Variants in CDH20 observed in about 807,000 individuals in gnomAD.
CDH20 encodes cadherin-20.
In CDH20, 29 loss-of-function variants were observed where a neutral mutation model predicts 74.2. The observed-to-expected ratio is 0.39, with a 90% CI of 0.29 to 0.53. CDH20 has a LOEUF of 0.53. Ranked by LOEUF, CDH20 falls within the 20% of genes least tolerant of loss-of-function variation. The probability of loss-of-function intolerance (pLI) is 0.69; values close to 1 mark genes in which losing one functional copy is unlikely to be tolerated. For missense variants in CDH20, 988 were observed against 1,048.3 expected (o/e 0.94, Z 0.79); for synonymous variants, 469 against 405.4 (o/e 1.16, Z -1.88).
chr18:61,490,206 T>C (rs1221132705), intron 1 of CDH20, among the ~76,000 whole-genome samples, 196 bp from the exon 2 acceptor site: 1 of 152,202 alleles, frequency 6.6e-6, no homozygotes, highest in Non-Finnish European at 1.5e-5. Context: ...AGGTTTGGGA[T>C]TGATTATAGC....
At chr18:61,435,756 C>G (rs9967225) in intron 1 of CDH20, among the ~76,000 whole-genome samples, 2 of 150,612 alleles carry the variant, frequency 1.3e-5, no homozygotes, top group Non-Finnish European at 3.0e-5. Context: ...TTTATGTATA[C>G]AAAAGCTTTG....
At chr18:61,420,043 A>T (rs1912823363) in intron 1 of CDH20, among the ~76,000 whole-genome samples, 1 of 152,078 alleles carries the variant, frequency 6.6e-6, no homozygotes. Flanking sequence ...GCCCCATATC[A>T]CATTTATATT....
At chr18:61,530,443 T>C (rs1313099698) in intron 7 of CDH20, among the ~76,000 whole-genome samples, 1 of 152,238 alleles carries the variant, frequency 6.6e-6, no homozygotes, top group African/African-American at 2.4e-5. Context: ...TAATTCATCA[T>C]CTGCATTTTT....
intron 1 of CDH20, among the ~76,000 whole-genome samples, chr18:61,475,360 G>A (rs939869710): frequency 3.3e-5 from 5 of 152,162 alleles, no homozygotes; most frequent in African/African-American, 9.7e-5. Context: ...CAATCTTTGG[G>A]CTAGAATAAG....
At chr18:61,551,763 T>C (rs1170130420) in intron 11 of CDH20, among the ~76,000 whole-genome samples, 1 of 152,158 alleles carries the variant, frequency 6.6e-6, no homozygotes, top group East Asian at 1.9e-4. Flanking sequence ...TGAAGAAACT[T>C]GTTCCTGGGA....
chr18:61,395,158 T>C (rs57705429), intron 1 of CDH20, among the ~76,000 whole-genome samples: 5,508 of 152,132 alleles, frequency 0.036, 333 homozygotes, highest in African/African-American at 0.13. Flanking sequence ...CATAGTTACA[T>C]CATTCACAGA....
At chr18:61,472,544 C>T (rs1451376099) in intron 1 of CDH20, among the ~76,000 whole-genome samples, 1 of 152,102 alleles carries the variant, frequency 6.6e-6, no homozygotes, top group Non-Finnish European at 1.5e-5. Flanking sequence ...TAGCGCACTC[C>T]GTGAAAGGAG....
At chr18:61,503,801 AGATG>A (rs1426248101) in intron 5 of CDH20, among the ~76,000 whole-genome samples, 2 of 152,376 alleles carry the variant, frequency 1.3e-5, no homozygotes, top group African/African-American at 4.8e-5. Flanking sequence ...ACACAAACTG[AGATG>A]AATGAAGCCT....
Position 61,490,787 on chromosome 18 carries a change from G to A in CDH20, c.234G>A (p.Leu78=). ...VLEEYTGTDP[L]YVGKLHSDMD... The stretch of plus-strand genomic sequence containing the variant: ...AAGAGTACACTGGGACCGACCCTTT[G>A]TATGTCGGCAAGGTAAGAAATGCCA... The change falls in exon 2 of 12, where the codon TTG becomes TTA. Residue 78 remains leucine (L), a synonymous_variant. Transcript: ENST00000262717. The A allele has an allele frequency of 1.9e-6, 3 of 1,614,088 alleles. No homozygotes were observed. Among genetic ancestry groups the A allele is most frequent in the Non-Finnish European group, 2.5e-6 (3 of 1,179,936 alleles).
At chr18:61,429,263 A>G (rs949114208) in intron 1 of CDH20, among the ~76,000 whole-genome samples, 1 of 152,098 alleles carries the variant, frequency 6.6e-6, no homozygotes, top group African/African-American at 2.4e-5. Flanking sequence ...TTTGTTTCTT[A>G]ATTGTCCTCA....
intron 1 of CDH20, among the ~76,000 whole-genome samples, chr18:61,475,443 T>C (rs1910336984): frequency 6.6e-6 from 1 of 152,238 alleles, no homozygotes; most frequent in South Asian, 2.1e-4. Context: ...GACTCACTAA[T>C]CTTACATTGT....
chr18:61,374,122 T>C (rs79675535), intron 1 of CDH20, among the ~76,000 whole-genome samples: 3,080 of 152,192 alleles, frequency 0.02, 84 homozygotes, highest in African/African-American at 0.061. Context: ...GTGTGTATAT[T>C]GGGGCAGGAA....
chr18:61,511,570 T>C (rs937234377), intron 6 of CDH20, among the ~76,000 whole-genome samples: 1 of 152,188 alleles, frequency 6.6e-6, no homozygotes, highest in East Asian at 1.9e-4. Context: ...TTAAATGTTA[T>C]CTTATGTCTT....
chr18:61,485,017 A>ATAACAGC (rs1051462276), intron 1 of CDH20, among the ~76,000 whole-genome samples: 1 of 152,134 alleles, frequency 6.6e-6, no homozygotes, highest in Admixed American at 6.5e-5. Flanking sequence ...AGTGAACATG[A>ATAACAGC]TAACAGCTGA....
chr18:61,394,215 G>T (rs926041417), intron 1 of CDH20, among the ~76,000 whole-genome samples: 1 of 152,108 alleles, frequency 6.6e-6, no homozygotes, highest in African/African-American at 2.4e-5. Flanking sequence ...AAATGCGAGT[G>T]GCCAGGAGTG....
chr18:61,418,415 G>A (rs1465647458), intron 1 of CDH20, among the ~76,000 whole-genome samples: 20 of 151,808 alleles, frequency 1.3e-4, no homozygotes, highest in Admixed American at 9.8e-4. Flanking sequence ...TTAGCCGGGC[G>A]AGGTCGTGGG....
At position 61,554,604 on chromosome 18, in the gene CDH20, A is replaced by T. The variant is rs1240016370; in HGVS notation, c.2315A>T (p.Gln772Leu). The change falls in exon 12 of 12, where the codon CAG becomes CTG. Residue 772 changes from glutamine to leucine, a missense_variant. Physicochemically the swap from Gln to Leu is moderately radical, Grantham distance 113 (BLOSUM62 -2). Around this residue, in one of 2 missense-constraint regions of CDH20, gnomAD observed 375 missense variants for 293.1 expected, o/e 1.28. Transcript: ENST00000262717. Reference protein sequence around the residue: ...SLQSATSDSEQSFDFLTDWGP... With the variant: ...SLQSATSDSELSFDFLTDWGP... ...CAGTCGGCCACGTCGGACTCGGAACAGAGCTTCGACTTCCTGACGGACTGG... is the reference window on the plus strand; with the variant it reads ...CAGTCGGCCACGTCGGACTCGGAACTGAGCTTCGACTTCCTGACGGACTGG... 5 of 1,608,672 alleles carry T rather than the reference A, an allele frequency of 3.1e-6. No individual in the cohort carries two copies. The South Asian group carries it at 5.5e-5, about 18-fold the overall frequency.
intron 1 of CDH20, among the ~76,000 whole-genome samples, chr18:61,347,186 T>C (rs1599027947): frequency 6.8e-6 from 1 of 147,476 alleles, no homozygotes; most frequent in South Asian, 2.2e-4. Flanking sequence ...CAGTGGTTCA[T>C]GCCTGTGATC....
chr18:61,497,090 TA>T (rs758611157), intron 2 of CDH20, among the ~76,000 whole-genome samples: 1 of 129,480 alleles, frequency 7.7e-6, no homozygotes, highest in Non-Finnish European at 1.6e-5. Flanking sequence ...ATTTGGATTG[TA>T]AAAAAAAAAA....
Sources: gnomAD v4.1 joint callset for allele counts (sites outside exome capture counted in the v4.1 genomes callset) on GRCh38, gnomAD v4.1.1 for gene constraint, gnomAD v4.1.1 regional missense constraint, MANE v1.5 for transcripts, NCBI Gene and HGNC (gene_info 2026-07-23, HGNC 2026-07-21) for gene names.